The following NEDD4L variants were observed in gnomAD, a reference collection of about 807,000 sequenced individuals.
NEDD4L encodes NEDD4 like E3 ubiquitin protein ligase.
NEDD4L carries 54 observed loss-of-function variants against 148.9 expected under a neutral mutation model. That is an observed-to-expected ratio of 0.36 (90% CI 0.29 to 0.45). NEDD4L has a LOEUF of 0.45. Ranked by LOEUF, NEDD4L falls within the 20% of genes least tolerant of loss-of-function variation. The pLI, the probability that NEDD4L is intolerant of heterozygous loss-of-function variation, is 1.00. For synonymous variants in NEDD4L, 433 were observed against 440.7 expected (o/e 0.98, Z 0.22); for missense variants, 856 against 1,233.8 (o/e 0.69, Z 4.59).
intron 1 of NEDD4L, among the ~76,000 whole-genome samples, chr18:58,116,926 C>T (rs990059212): frequency 3.9e-4 from 59 of 152,344 alleles, no homozygotes; most frequent in Middle Eastern, 3.4e-3. Flanking sequence ...CCAACGCTGG[C>T]CCTTCTTTCT....
At chr18:58,104,640 G>C (rs1247240608) in intron 1 of NEDD4L, among the ~76,000 whole-genome samples, 2 of 152,156 alleles carry the variant, frequency 1.3e-5, no homozygotes, top group Non-Finnish European at 1.5e-5. Context: ...GCAACGTGCT[G>C]AATATTTCAC....
At chr18:58,133,542 G>A (rs1304752631) in intron 1 of NEDD4L, among the ~76,000 whole-genome samples, 1 of 152,162 alleles carries the variant, frequency 6.6e-6, no homozygotes, top group Admixed American at 6.5e-5. Flanking sequence ...TGGGTTTTTT[G>A]GGAGGCGAGA....
chr18:58,128,288 C>T (rs1273233313), intron 1 of NEDD4L, among the ~76,000 whole-genome samples: 1 of 152,166 alleles, frequency 6.6e-6, no homozygotes, highest in Non-Finnish European at 1.5e-5. Context: ...CTCAGGTGAT[C>T]CACCCGCCTC....
chr18:58,204,053 G>A lies in NEDD4L; in HGVS notation c.122+38192G>A, dbSNP rs953271226. On this transcript the variant is annotated intron_variant, in intron 2 of 30. Transcript: ENST00000400345. ...ACTCCAAAAACCTAGCTGGCCGGGC[G>A]TGGTGGCTGACGCCTGTAATCCCAG... 1.1e-4 allele frequency among the ~76,000 whole-genome samples: 17 copies of A among 152,178 alleles called. No homozygotes were observed. In the East Asian group the frequency reaches 1.3e-3, roughly 12 times the overall value.
chr18:58,154,441 C>T (rs902994598), intron 1 of NEDD4L, among the ~76,000 whole-genome samples: 1 of 152,196 alleles, frequency 6.6e-6, no homozygotes, highest in Non-Finnish European at 1.5e-5. Flanking sequence ...CCCAGTGAAG[C>T]TCAGATGTTG....
Position 58,325,041 on chromosome 18 carries a change from C to T in NEDD4L, c.559C>T (p.Gln187Ter). The change falls in exon 9 of 31, where the codon CAA becomes TAA. Residue 187 changes from glutamine (Q) to a stop codon, truncating the protein, a stop_gained. Transcript: ENST00000400345. LOFTEE classifies it high-confidence loss of function. ...CTCAAATGACTCGGCTTCTCAGCAC[C>T]AAGAGGAACTTCCTCCTCCTCCTCT... The part of the protein sequence containing the change: ...VDSNDSASQH[Q>*]EELPPPPLPP... The T allele has an allele frequency of 6.2e-7, 1 of 1,613,978 alleles. No homozygotes were observed. The highest frequency in any genetic ancestry group is 8.5e-7 in the Non-Finnish European group (1 of 1,179,866).
intron 1 of NEDD4L, among the ~76,000 whole-genome samples, chr18:58,084,671 T>TTTTGTGTGTG (rs1555686018): frequency 1.0e-4 from 14 of 133,738 alleles, no homozygotes; most frequent in African/African-American, 2.2e-4. Flanking sequence ...TGTGGGGTTT[T>TTTTGTGTGTG]TGTGTGTGTG....
At chr18:58,342,645 G>C (rs1472648832) in intron 15 of NEDD4L, among the ~76,000 whole-genome samples, 3 of 152,190 alleles carry the variant, frequency 2.0e-5, no homozygotes, top group African/African-American at 7.2e-5. Flanking sequence ...ATAATGCTTA[G>C]TACAGAACAG....
At chr18:58,385,191 T>G (rs145081020) in intron 25 of NEDD4L, among the ~76,000 whole-genome samples, 75 of 152,344 alleles carry the variant, frequency 4.9e-4, no homozygotes, top group African/African-American at 1.7e-3. Flanking sequence ...CCATGAACTT[T>G]TCCCTTTTCT....
In NEDD4L at chr18:58,366,435, A is replaced by AT. The variant is rs943814921; in HGVS notation, c.2063+215dup. ...TGTACTCTGCGAACATCTAACATTG[A>AT]TTTTTTTTCTTGTCTATTGGGTTCA... On this transcript the variant is annotated intron_variant, in intron 21 of 30. Transcript: ENST00000400345. The surrounding 1 kb of genome is among the most constrained non-coding windows in gnomAD (Gnocchi z 4.2). 6.6e-5 allele frequency among the ~76,000 whole-genome samples: 10 copies of AT among 152,124 alleles called. No homozygotes were observed. Among genetic ancestry groups the AT allele is most frequent in the African/African-American group, 1.7e-4 (7 of 41,496 alleles).
chr18:58,166,636 C>A (rs1195407978), intron 2 of NEDD4L, among the ~76,000 whole-genome samples: 1 of 152,204 alleles, frequency 6.6e-6, no homozygotes, highest in Non-Finnish European at 1.5e-5. Flanking sequence ...TTAAACTACC[C>A]GTGCAGGTCA....
chr18:58,139,467 G>A (rs1399580062), intron 1 of NEDD4L, among the ~76,000 whole-genome samples: 2 of 152,096 alleles, frequency 1.3e-5, no homozygotes, highest in Admixed American at 1.3e-4. Context: ...TATTAGGAAT[G>A]TTGATAATCC....
chr18:58,136,824 T>C (rs2032904165), intron 1 of NEDD4L, among the ~76,000 whole-genome samples: 1 of 152,348 alleles, frequency 6.6e-6, no homozygotes, highest in South Asian at 2.1e-4. Flanking sequence ...AATCCAGAAC[T>C]GAACATGTCA....
chr18:58,063,596 C>A (rs1292539010), intron 1 of NEDD4L, among the ~76,000 whole-genome samples: 1 of 142,224 alleles, frequency 7.0e-6, no homozygotes, highest in African/African-American at 2.6e-5. Context: ...GACAGATTCT[C>A]ACTCTGTCAT....
chr18:58,219,650 C>G (rs59784148), intron 2 of NEDD4L, among the ~76,000 whole-genome samples: 10,773 of 152,178 alleles, frequency 0.071, 1,246 homozygotes, highest in African/African-American at 0.24. Flanking sequence ...TCCTAATCTC[C>G]TGTTCGTATA....
intron 1 of NEDD4L, among the ~76,000 whole-genome samples, chr18:58,062,067 T>C (rs1217200565): frequency 6.6e-6 from 1 of 152,226 alleles, no homozygotes; most frequent in Non-Finnish European, 1.5e-5. Context: ...ATTGGTATTT[T>C]CAAAGTTATA....
chr18:58,081,613 C>G (rs1434532826), intron 1 of NEDD4L, among the ~76,000 whole-genome samples: 3 of 152,102 alleles, frequency 2.0e-5, no homozygotes, highest in Non-Finnish European at 4.4e-5. Flanking sequence ...TTAACTCGGT[C>G]AAAACAAAGC....
Position 58,256,106 on chromosome 18 carries a change from C to T in NEDD4L, c.297+4052C>T, listed in dbSNP as rs564450172. On this transcript the variant is annotated intron_variant, in intron 5 of 30. Coordinates refer to ENST00000400345, the MANE Select transcript of NEDD4L (RefSeq NM_001144967.3). The surrounding 1 kb of genome is among the most constrained non-coding windows in gnomAD (Gnocchi z 5.2). ...GAGGGACACCCCCGGGAGCTCCCCT[C>T]CGAGGGCAGCCCGGGACCCAGGGCT... 4.1e-6 allele frequency: 5 copies of T among 1,227,044 alleles called. No individual in the cohort carries two copies. The highest frequency in any genetic ancestry group is 3.2e-5 in the East Asian group (1 of 31,178). 76.0% of individuals were successfully genotyped at this position (1,227,044 alleles called of 1,614,324 possible).
chr18:58,384,902 A>T (rs1391840006), intron 25 of NEDD4L, among the ~76,000 whole-genome samples: 7 of 152,222 alleles, frequency 4.6e-5, no homozygotes, highest in Non-Finnish European at 8.8e-5. Flanking sequence ...TTTGCTGTGC[A>T]TTAAACACTG....
Sources: allele counts gnomAD v4.1 joint callset (sites outside exome capture counted in the v4.1 genomes callset), GRCh38; gene constraint gnomAD v4.1.1; non-coding constraint Gnocchi (gnomAD v3.1); transcripts MANE v1.5; gene names NCBI Gene and HGNC (gene_info 2026-07-23, HGNC 2026-07-21).